Variants in TFRC observed in about 807,000 individuals in gnomAD.
The protein encoded by TFRC is transferrin receptor.
Under a neutral mutation model 85.8 loss-of-function variants are expected in TFRC, and 35 were observed. The observed-to-expected ratio is 0.41, with a 90% confidence interval of 0.31 to 0.54. TFRC has a LOEUF of 0.54. Ranked by LOEUF, TFRC falls within the 20% of genes least tolerant of loss-of-function variation. The pLI is 0.31. For synonymous variants in TFRC, 362 were observed against 328.6 expected, an observed-to-expected ratio of 1.10 and a Z score of -1.10; for missense variants, 828 against 921.5, an observed-to-expected ratio of 0.90 and a Z score of 1.31.
At chr3:196,069,792 T>C (rs1468465963) in intron 6 of TFRC, 1 of 400,752 alleles carries the variant, frequency 2.5e-6, no homozygotes. Flanking sequence ...TCTTTCATGC[T>C]TTTATCCCAT....
intron 17 of TFRC, 146 bp from the exon 18 acceptor site, chr3:196,053,704 G>C: frequency 1.1e-6 from 1 of 899,200 alleles, no homozygotes. Flanking sequence ...TTGCACAGGG[G>C]TTCCAAGCTC....
intron 1 of TFRC, among the ~76,000 whole-genome samples, chr3:196,079,603 T>A (rs898861449): frequency 6.6e-6 from 1 of 152,056 alleles, no homozygotes; most frequent in Non-Finnish European, 1.5e-5. Flanking sequence ...GCAACAAGCG[T>A]GAAACTCTGT....
intron 4 of TFRC, among the ~76,000 whole-genome samples, chr3:196,073,497 AG>A (rs1718403470): frequency 6.6e-6 from 1 of 152,118 alleles, no homozygotes; most frequent in Non-Finnish European, 1.5e-5. Flanking sequence ...GAAGCACTAG[AG>A]ACTTAAGGCA....
rs755330308 is a variant in TFRC, at chr3:196,069,433, T to C, written c.801+22A>G. 17 of 1,370,802 alleles carry C rather than the reference T, an allele frequency of 1.2e-5. No individual in the cohort carries two copies. In the South Asian group the frequency reaches 1.8e-4, roughly 15 times the overall value. 84.9% of individuals were successfully genotyped at this position (1,370,802 alleles called of 1,614,324 possible). A position where few individuals can be genotyped will look rare whatever the true frequency, so the allele number is the denominator to read the frequency against. The stretch of plus-strand genomic sequence containing the variant: ...AAGATACCAAAAGTACTGTATTTAA[T>C]ATTATAATAACTCATACTCACCTTT... On this transcript the variant is annotated intron_variant, in intron 7 of 18. Transcript: ENST00000360110.
chr3:196,058,515 TGTAG>T, intron 15 of TFRC, 55 bp downstream of exon 15: 18 of 1,526,314 alleles, frequency 1.2e-5, no homozygotes, highest in Non-Finnish European at 1.6e-5. Context: ...TTCTACCTAA[TGTAG>T]TAGGTAGAAT....
At position 196,080,697 on chromosome 3, in the gene TFRC, T is replaced by G. The variant is rs1719096048; in HGVS notation, c.-24+1346A>C. ...TAACAATCTTCAACACAGGCTAGGT[T>G]TACAGCCACCATTACTTGATAAGAA... On this transcript the variant is annotated intron_variant, in intron 1 of 18. Coordinates refer to ENST00000360110, the MANE Select transcript of TFRC (RefSeq NM_001128148.3). 3.3e-5 allele frequency among the ~76,000 whole-genome samples: 5 copies of G among 152,246 alleles called. No individual in the cohort carries two copies. In the South Asian group the frequency reaches 1.0e-3, roughly 32 times the overall value.
chr3:196,056,270 C>G (rs1716787207), intron 16 of TFRC, among the ~76,000 whole-genome samples: 1 of 152,164 alleles, frequency 6.6e-6, no homozygotes, highest in African/African-American at 2.4e-5. Context: ...CTCAAGTGAT[C>G]TGCCCACCTC....
chr3:196,079,292 C>T (rs1718969280), intron 1 of TFRC, among the ~76,000 whole-genome samples: 1 of 152,158 alleles, frequency 6.6e-6, no homozygotes, highest in Non-Finnish European at 1.5e-5. Context: ...CTCAAGTTTT[C>T]TTGTTTTAAA....
At chr3:196,078,340 A>G (rs960614225) in intron 1 of TFRC, among the ~76,000 whole-genome samples, 2 of 152,206 alleles carry the variant, frequency 1.3e-5, no homozygotes, top group South Asian at 2.1e-4. Flanking sequence ...ATTGTAAAGC[A>G]AAGGGTATTA....
In TFRC at chr3:196,058,632, C is replaced by A; in HGVS notation, c.1537G>T (p.Val513Leu). 1 of 1,608,408 alleles carries A rather than the reference C, an allele frequency of 6.2e-7. No individual in the cohort carries two copies. The highest frequency in any genetic ancestry group is 1.1e-5 in the South Asian group (1 of 89,592). ...YTLIEKTMQN[V>L]KHPVTGQFLY... is the part of the protein sequence containing the mutation. ...AATTGCCCAGTAACCGGATGCTTCACCTGTAAGATAAGAAATTATCATTAA... is the reference window on the plus strand; with the variant it reads ...AATTGCCCAGTAACCGGATGCTTCAACTGTAAGATAAGAAATTATCATTAA... The change falls in exon 15 of 19, where the codon GTG (valine) becomes TTG (leucine). Residue 513 changes from valine to leucine, a missense_variant and splice_region_variant. By Grantham distance (32) the Val-to-Leu change is conservative. Transcript: ENST00000360110.
chr3:196,061,842 G>A (rs1382007646), intron 13 of TFRC, among the ~76,000 whole-genome samples: 17 of 152,172 alleles, frequency 1.1e-4, no homozygotes, highest in Non-Finnish European at 2.5e-4. Flanking sequence ...AAGGTCTGGG[G>A]TAGACATGAC....
chr3:196,063,070 C>CA, intron 11 of TFRC, 131 bp from the exon 12 acceptor site: 1 of 587,266 alleles, frequency 1.7e-6, no homozygotes, highest in South Asian at 3.0e-5. Flanking sequence ...TTTTTCTGAG[C>CA]CAAAAAAGAA....
chr3:196,068,695 AG>A (rs1717939753), intron 7 of TFRC, among the ~76,000 whole-genome samples: 1 of 150,462 alleles, frequency 6.6e-6, no homozygotes, highest in Non-Finnish European at 1.5e-5. Flanking sequence ...TGGGAGGCCA[AG>A]GCAGGTGGAT....
chr3:196,072,132 T>A lies in TFRC; in HGVS notation c.455A>T (p.Tyr152Phe), dbSNP rs1718265058. ...GTIKLLNENS[Y>F]VPREAGSQKD... ...TTGAGATCCAGCCTCACGAGGGACATATGAATTTTCATTCAGCAGCCTGGA... is the reference window on the plus strand; with the variant it reads ...TTGAGATCCAGCCTCACGAGGGACAAATGAATTTTCATTCAGCAGCCTGGA... Residue 152 changes from tyrosine (Y) to phenylalanine (F), a missense_variant, in exon 5 of 19, where the codon TAT becomes TTT. Coordinates refer to ENST00000360110, the MANE Select transcript of TFRC (RefSeq NM_001128148.3). The A allele has an allele frequency of 6.2e-7, 1 of 1,613,390 alleles. No homozygotes were observed. The highest frequency in any genetic ancestry group is 1.3e-5 in the African/African-American group (1 of 74,914).
chr3:196,055,322 A>G (rs1176184339), intron 16 of TFRC, 21 bp from the exon 17 acceptor site: 2 of 1,596,290 alleles, frequency 1.3e-6, no homozygotes, highest in Non-Finnish European at 1.7e-6. Flanking sequence ...ACGCGAGGCT[A>G]TGGTACTCAC....
At chr3:196,067,983 G>A (rs1429825154) in intron 8 of TFRC, 49 bp downstream of exon 8, 20 of 1,488,562 alleles carry the variant, frequency 1.3e-5, no homozygotes, top group Non-Finnish European at 1.8e-5. Flanking sequence ...AGGAATCCAA[G>A]AACAACTCAA....
intron 1 of TFRC, among the ~76,000 whole-genome samples, chr3:196,080,854 C>T (rs1464321301): frequency 2.0e-5 from 3 of 152,064 alleles, no homozygotes; most frequent in Non-Finnish European, 4.4e-5. Flanking sequence ...GCGGGGGGAA[C>T]CAGCAGGGTC....
At chr3:196,080,097 G>A (rs576419779) in intron 1 of TFRC, among the ~76,000 whole-genome samples, 5 of 152,272 alleles carry the variant, frequency 3.3e-5, no homozygotes, top group Non-Finnish European at 5.9e-5. Flanking sequence ...TTCTGGTTTA[G>A]TAGGGAGTTT....
In TFRC at chr3:196,060,182, T is replaced by C; in HGVS notation, c.1534A>G (p.Asn512Asp). 1.2e-6 allele frequency: 2 copies of C among 1,613,432 alleles called. No homozygotes were observed. The highest frequency in any genetic ancestry group is 1.7e-6 in the Non-Finnish European group (2 of 1,179,642). Residue 512 changes from asparagine (N) to aspartate (D), a missense_variant and splice_region_variant, in exon 14 of 19, where the codon AAT becomes GAT. Transcript: ENST00000360110. The part of the protein sequence containing the change: ...LYTLIEKTMQ[N>D]VKHPVTGQFL... ...TTTGTAATGAGGTATATACTCACAT[T>C]TTGCATTGTTTTCTCAATAAGCGTA...
Sources: gnomAD v4.1 joint callset for allele counts (sites outside exome capture counted in the v4.1 genomes callset) on GRCh38, gnomAD v4.1.1 for gene constraint, MANE v1.5 for transcripts, NCBI Gene and HGNC (gene_info 2026-07-23, HGNC 2026-07-21) for gene names.